The following NAV2 variants were observed in gnomAD, a reference collection of about 807,000 sequenced individuals.
NAV2 encodes the protein helicase, APC down-regulated 1.
In NAV2, 54 loss-of-function variants were observed where a neutral mutation model predicts 223.2. The observed-to-expected ratio is 0.24, with a 90% CI of 0.19 to 0.30. The LOEUF is 0.30. Ranked by LOEUF, NAV2 falls within the 10% of genes least tolerant of loss-of-function variation. The pLI is 1.00. For synonymous variants in NAV2, 1,279 were observed against 1,239.3 expected, an observed-to-expected ratio of 1.03 and a Z score of -0.67; for missense variants, 2,806 against 3,147.5, an observed-to-expected ratio of 0.89 and a Z score of 2.60.
chr11:19,752,245 A>C (rs1590310731), intron 1 of NAV2, among the ~76,000 whole-genome samples: 1 of 152,160 alleles, frequency 6.6e-6, no homozygotes, highest in Non-Finnish European at 1.5e-5. Context: ...TACTCAGGGA[A>C]CAGCCAGCAA....
At chr11:20,006,587 A>G (rs754940317) in intron 11 of NAV2, among the ~76,000 whole-genome samples, 31 of 152,128 alleles carry the variant, frequency 2.0e-4, no homozygotes, top group Non-Finnish European at 3.1e-4. Flanking sequence ...AGGCAGGAGA[A>G]TCACTTGAAC....
intron 1 of NAV2, among the ~76,000 whole-genome samples, chr11:19,555,295 A>G (rs1410873922): frequency 2.0e-5 from 3 of 152,238 alleles, no homozygotes; most frequent in Non-Finnish European, 4.4e-5. Flanking sequence ...AGAGCTGCAG[A>G]GTGATCCCCA....
intron 10 of NAV2, 91 bp downstream of exon 10, chr11:19,949,171 G>A (rs781139986): frequency 8.5e-6 from 12 of 1,416,810 alleles, no homozygotes; most frequent in Non-Finnish European, 1.1e-5. Flanking sequence ...TTCTTCTGGA[G>A]GAGGTCAAAC....
chr11:20,003,836 TG>T (rs1474007603), intron 11 of NAV2, among the ~76,000 whole-genome samples: 2 of 152,212 alleles, frequency 1.3e-5, no homozygotes, highest in Non-Finnish European at 2.9e-5. Context: ...CCTGAATTAT[TG>T]GGATCTGTTG....
At chr11:19,889,538 A>G (rs1199823039) in intron 5 of NAV2, among the ~76,000 whole-genome samples, 1 of 152,122 alleles carries the variant, frequency 6.6e-6, no homozygotes, top group Non-Finnish European at 1.5e-5. Flanking sequence ...TATGCAAACC[A>G]TTCGCCCTTT....
intron 32 of NAV2, among the ~76,000 whole-genome samples, chr11:20,101,465 A>G (rs1347542890): frequency 2.6e-5 from 4 of 152,208 alleles, no homozygotes; most frequent in Admixed American, 6.5e-5. Flanking sequence ...CTGATTTTCC[A>G]AAGTAAAATA....
At chr11:19,655,076 G>T (rs1159420447) in intron 1 of NAV2, among the ~76,000 whole-genome samples, 3 of 152,198 alleles carry the variant, frequency 2.0e-5, no homozygotes, top group Admixed American at 1.3e-4. Flanking sequence ...CAACAAGTGG[G>T]TGAAGGATAT....
At chr11:19,519,334 T>G (rs369590179) in intron 1 of NAV2, among the ~76,000 whole-genome samples, 25 of 152,322 alleles carry the variant, frequency 1.6e-4, no homozygotes, top group East Asian at 5.8e-4. Context: ...TGGGCTCTCG[T>G]AAGGTGCTTA....
At chr11:19,928,974 G>A (rs1165261684) in intron 6 of NAV2, among the ~76,000 whole-genome samples, 1 of 152,098 alleles carries the variant, frequency 6.6e-6, no homozygotes, top group Non-Finnish European at 1.5e-5. Context: ...GACAAAGAAG[G>A]CCAGGCGCGG....
At chr11:20,096,490 C>G (rs577436488) in intron 30 of NAV2, among the ~76,000 whole-genome samples, 1 of 152,286 alleles carries the variant, frequency 6.6e-6, no homozygotes, top group South Asian at 2.1e-4. Context: ...GTGCCAGACA[C>G]TATGCCAAGC....
chr11:19,554,737 C>G (rs1053205747), intron 1 of NAV2, among the ~76,000 whole-genome samples: 1 of 152,010 alleles, frequency 6.6e-6, no homozygotes, highest in Non-Finnish European at 1.5e-5. Flanking sequence ...GAGGCCGAGG[C>G]GGGCAGATCA....
At chr11:20,067,317 G>C (rs906610397) in intron 20 of NAV2, among the ~76,000 whole-genome samples, 1 of 152,142 alleles carries the variant, frequency 6.6e-6, no homozygotes, top group Non-Finnish European at 1.5e-5. Flanking sequence ...AGTGAGAGGA[G>C]GGCAGAAAAT....
intron 14 of NAV2, among the ~76,000 whole-genome samples, chr11:20,047,021 G>A (rs1464759183): frequency 1.3e-5 from 2 of 152,216 alleles, no homozygotes; most frequent in Non-Finnish European, 2.9e-5. Context: ...TAATGAAGCA[G>A]TTCACTGTTC....
intron 1 of NAV2, among the ~76,000 whole-genome samples, chr11:19,606,690 G>A (rs192250897): frequency 6.6e-6 from 1 of 152,334 alleles, no homozygotes; most frequent in East Asian, 1.9e-4. Context: ...ACTTGGAAGT[G>A]GAAGCACTCT....
chr11:19,798,106 A>T (rs1246266374), intron 1 of NAV2, among the ~76,000 whole-genome samples: 1 of 152,204 alleles, frequency 6.6e-6, no homozygotes, highest in East Asian at 1.9e-4. Flanking sequence ...ACCCAGGAGA[A>T]GACCAGTGAG....
chr11:19,586,170 T>A (rs1338400328), intron 1 of NAV2, among the ~76,000 whole-genome samples: 1 of 152,240 alleles, frequency 6.6e-6, no homozygotes, highest in East Asian at 1.9e-4. Flanking sequence ...GTTGATTGAA[T>A]CAGCTACTGC....
intron 10 of NAV2, among the ~76,000 whole-genome samples, 156 bp downstream of exon 10, chr11:19,949,236 C>T (rs770203660): frequency 2.6e-5 from 4 of 152,188 alleles, no homozygotes; most frequent in Admixed American, 2.0e-4. Context: ...TGGAGGGAAA[C>T]GCTGCTCGGC....
chr11:19,673,580 G>A (rs1030296492), intron 1 of NAV2, among the ~76,000 whole-genome samples: 1 of 152,206 alleles, frequency 6.6e-6, no homozygotes, highest in Non-Finnish European at 1.5e-5. Context: ...TCAAATTGAG[G>A]TGTTAATTGG....
At chr11:19,970,943 C>T (rs1308835150) in intron 10 of NAV2, among the ~76,000 whole-genome samples, 1 of 152,148 alleles carries the variant, frequency 6.6e-6, no homozygotes, top group Non-Finnish European at 1.5e-5. Flanking sequence ...TGCTCTGTTG[C>T]ACTTAAAATG....
Sources: gnomAD v4.1 joint callset for allele counts (sites outside exome capture counted in the v4.1 genomes callset) on GRCh38, gnomAD v4.1.1 for gene constraint, MANE v1.5 for transcripts, NCBI Gene and HGNC (gene_info 2026-07-23, HGNC 2026-07-21) for gene names.